Variants in DHX15 observed in about 807,000 individuals in gnomAD.
DHX15 encodes ATP-dependent RNA helicase DHX15.
A neutral mutation model predicts 94.4 loss-of-function variants in DHX15; 11 were observed. The ratio of observed to expected loss-of-function variants is 0.12; its 90% CI spans 0.07 to 0.19. The LOEUF is 0.19. DHX15 is among the 10% of genes least tolerant of loss of function. DHX15 has a pLI of 1.00. For synonymous variants in DHX15, 338 were observed against 329.9 expected, an observed-to-expected ratio of 1.02 and a Z score of -0.27; for missense variants, 304 against 988.5, an observed-to-expected ratio of 0.31 and a Z score of 9.29.
chr4:24,532,260 C>T (rs1560759925), intron 12 of DHX15, among the ~76,000 whole-genome samples: 1 of 152,202 alleles, frequency 6.6e-6, no homozygotes, highest in Non-Finnish European at 1.5e-5. Context: ...TATGTTTCAT[C>T]TTTATTGCTA....
At chr4:24,543,802 TTCC>T (rs1206648973) in intron 6 of DHX15, among the ~76,000 whole-genome samples, 4 of 152,130 alleles carry the variant, frequency 2.6e-5, no homozygotes, top group Admixed American at 1.3e-4. Flanking sequence ...GAAATGGGGA[TTCC>T]TCATTAGTAT....
rs1222397753 is a variant in DHX15, at chr4:24,539,988, AT to A, written c.1786+119del. 6 of 662,080 alleles carry A rather than the reference AT, an allele frequency of 9.1e-6. No individual in the cohort carries two copies. In the Admixed American group the frequency reaches 1.1e-4, roughly 12 times the overall value. 41.0% of individuals were successfully genotyped at this position (662,080 alleles called of 1,614,324 possible). Reference sequence around the variant, plus strand: ...ACAAGGTATTTAGAAAACAAAATTAATTCCTTAAAACCATCTATAAAATCCA... The same window carrying A: ...ACAAGGTATTTAGAAAACAAAATTAATCCTTAAAACCATCTATAAAATCCA... On this transcript the variant is annotated intron_variant, in intron 10 of 13. Transcript: ENST00000336812.
At chr4:24,582,323 A>AT (rs1722434119) in intron 1 of DHX15, among the ~76,000 whole-genome samples, 2 of 152,254 alleles carry the variant, frequency 1.3e-5, no homozygotes, top group African/African-American at 4.8e-5. Flanking sequence ...CAAGGGAATC[A>AT]TAAAGCTACC....
intron 3 of DHX15, 111 bp from the exon 4 acceptor site, chr4:24,556,521 G>T: frequency 2.3e-6 from 2 of 887,468 alleles, no homozygotes; most frequent in Non-Finnish European, 3.4e-6. Context: ...ATAAACTTCT[G>T]CCCCAAACAA....
intron 10 of DHX15, among the ~76,000 whole-genome samples, chr4:24,539,331 G>A (rs529455629): frequency 5.3e-5 from 8 of 151,992 alleles, no homozygotes; most frequent in South Asian, 4.2e-4. Context: ...TATTTTAATC[G>A]TCAGTAAGAA....
chr4:24,581,027 T>G (rs1021766182), intron 1 of DHX15: 2 of 148,460 alleles, frequency 1.3e-5, no homozygotes, highest in African/African-American at 5.1e-5. Context: ...ATCTATTTAT[T>G]TTTTATTATT....
intron 6 of DHX15, among the ~76,000 whole-genome samples, chr4:24,544,164 C>T (rs181948425): frequency 6.6e-6 from 1 of 152,046 alleles, no homozygotes; most frequent in East Asian, 1.9e-4. Flanking sequence ...TGGGCACATA[C>T]AAAAAATGAA....
At chr4:24,560,028 C>CTGAA (rs1433649062) in intron 3 of DHX15, among the ~76,000 whole-genome samples, 2 of 152,128 alleles carry the variant, frequency 1.3e-5, no homozygotes, top group Non-Finnish European at 2.9e-5. Context: ...ACCCCATGTA[C>CTGAA]TGAACAGTAT....
At chr4:24,547,895 A>ATGTG (rs1349496773) in intron 6 of DHX15, among the ~76,000 whole-genome samples, 4 of 44,776 alleles carry the variant, frequency 8.9e-5, no homozygotes, top group African/African-American at 2.9e-4. Context: ...CTCTCTATGT[A>ATGTG]TGTATGTGTA....
chr4:24,528,985 A>G (rs1400553950), intron 13 of DHX15, among the ~76,000 whole-genome samples: 3 of 147,898 alleles, frequency 2.0e-5, no homozygotes, highest in Non-Finnish European at 4.5e-5. Context: ...GAATGGCTCC[A>G]AAGAAACTCT....
At chr4:24,570,250 A>C (rs1437973683) in intron 3 of DHX15, among the ~76,000 whole-genome samples, 2 of 152,146 alleles carry the variant, frequency 1.3e-5, no homozygotes, top group Non-Finnish European at 2.9e-5. Context: ...TTAACATTAA[A>C]AGTCCCCTCT....
intron 11 of DHX15, among the ~76,000 whole-genome samples, chr4:24,536,394 G>GT (rs543360887): frequency 1.1e-3 from 167 of 152,182 alleles, no homozygotes; most frequent in African/African-American, 3.9e-3. Context: ...AGAGTATACA[G>GT]TTGCTAAAGT....
intron 4 of DHX15, among the ~76,000 whole-genome samples, chr4:24,555,999 G>A (rs905645628): frequency 6.6e-6 from 1 of 152,080 alleles, no homozygotes; most frequent in Non-Finnish European, 1.5e-5. Context: ...ACACATATAT[G>A]TTATTAGATT....
At chr4:24,557,821 A>G (rs1373140710) in intron 3 of DHX15, among the ~76,000 whole-genome samples, 1 of 152,142 alleles carries the variant, frequency 6.6e-6, no homozygotes, top group Non-Finnish European at 1.5e-5. Flanking sequence ...CTTTGATCTG[A>G]GGACGTTTGG....
At chr4:24,555,200 T>C (rs1249050244) in intron 4 of DHX15, among the ~76,000 whole-genome samples, 1 of 151,778 alleles carries the variant, frequency 6.6e-6, no homozygotes, top group Non-Finnish European at 1.5e-5. Context: ...TCAGATTTTA[T>C]AAAATTATAT....
chr4:24,554,587 T>C (rs1721682949), intron 5 of DHX15, 138 bp downstream of exon 5: 4 of 649,098 alleles, frequency 6.2e-6, no homozygotes, highest in African/African-American at 1.8e-5. Context: ...AAAGGGGTTA[T>C]ATATTTTACA....
intron 6 of DHX15, among the ~76,000 whole-genome samples, chr4:24,546,137 AGGG>A (rs1721418813): frequency 6.6e-6 from 1 of 152,172 alleles, no homozygotes; most frequent in Non-Finnish European, 1.5e-5. Flanking sequence ...TTTAGTCCCC[AGGG>A]AACTCTGTGG....
chr4:24,583,372 G>A (rs932859039), intron 1 of DHX15, among the ~76,000 whole-genome samples: 1 of 152,016 alleles, frequency 6.6e-6, no homozygotes, highest in African/African-American at 2.4e-5. Context: ...CCACATGGGC[G>A]GTGTTTCGCC....
intron 3 of DHX15, among the ~76,000 whole-genome samples, chr4:24,568,205 C>T (rs1401306676): frequency 1.3e-5 from 2 of 152,176 alleles, no homozygotes; most frequent in African/African-American, 4.8e-5. Flanking sequence ...AATTAAAGTT[C>T]GCCCTGGCTA....
Sources: gnomAD v4.1 joint callset for allele counts (sites outside exome capture counted in the v4.1 genomes callset) on GRCh38, gnomAD v4.1.1 for gene constraint, MANE v1.5 for transcripts, NCBI Gene and HGNC (gene_info 2026-07-23, HGNC 2026-07-21) for gene names.